Variants in UNC79 observed in about 807,000 individuals in gnomAD.
UNC79 encodes the protein unc-79 subunit of NALCN channel complex.
In UNC79, 37 loss-of-function variants were observed where a neutral mutation model predicts 283.1. The observed-to-expected ratio is 0.13, with a 90% CI of 0.10 to 0.17. The LOEUF (loss-of-function observed/expected upper bound fraction) is 0.17. UNC79 is among the 10% of genes least tolerant of loss of function. The pLI is 1.00. For missense variants in UNC79, 2,272 were observed against 3,211.1 expected (o/e 0.71, Z 7.07); for synonymous variants, 1,107 against 1,200.2 (o/e 0.92, Z 1.61).
intron 1 of UNC79, among the ~76,000 whole-genome samples, chr14:93,418,904 G>A (rs1388481369): frequency 1.3e-5 from 2 of 151,760 alleles, no homozygotes; most frequent in Admixed American, 6.6e-5. Context: ...GGAGTGACCC[G>A]ATTTTCCAGG....
At chr14:93,706,890 T>C in exon 49 of UNC79, 1 of 1,614,146 alleles carries the variant, frequency 6.2e-7, no homozygotes, top group Non-Finnish European at 8.5e-7. Context: ...AGCCTCTCAA[T>C]TTTATCCTCT....
At chr14:93,586,432 G>A (rs778417978) in intron 20 of UNC79, among the ~76,000 whole-genome samples, 164 bp from the exon 21 acceptor site, 2 of 152,208 alleles carry the variant, frequency 1.3e-5, no homozygotes, top group Non-Finnish European at 2.9e-5. Context: ...TTGTATCATA[G>A]CAGGGATATA....
intron 1 of UNC79, among the ~76,000 whole-genome samples, chr14:93,406,029 T>G (rs771403625): frequency 2.6e-5 from 4 of 152,200 alleles, no homozygotes; most frequent in African/African-American, 9.7e-5. Flanking sequence ...CTGATCACCA[T>G]TCACCTAAAC....
chr14:93,689,071 C>T (rs1025161826), intron 44 of UNC79: 1 of 467,486 alleles, frequency 2.1e-6, no homozygotes, highest in Non-Finnish European at 3.7e-6. Context: ...CTCAATTGTC[C>T]TTTCATGAAG....
At chr14:93,439,119 T>G (rs1286004679) in intron 1 of UNC79, among the ~76,000 whole-genome samples, 1 of 152,160 alleles carries the variant, frequency 6.6e-6, no homozygotes, top group East Asian at 1.9e-4. Flanking sequence ...CTTTTGGGTT[T>G]TCAAGATATA....
chr14:93,358,925 TGA>T (rs1460046442), intron 1 of UNC79, among the ~76,000 whole-genome samples: 1 of 152,158 alleles, frequency 6.6e-6, no homozygotes, highest in Non-Finnish European at 1.5e-5. Flanking sequence ...GAGGTGAGGT[TGA>T]GAGTGTTACC....
chr14:93,378,324 AG>A (rs1185753135), intron 1 of UNC79, among the ~76,000 whole-genome samples: 2 of 152,216 alleles, frequency 1.3e-5, no homozygotes, highest in East Asian at 3.8e-4. Context: ...GGTGATTATA[AG>A]AATTTTCAGT....
intron 17 of UNC79, among the ~76,000 whole-genome samples, chr14:93,576,379 C>A (rs983571621): frequency 1.3e-5 from 2 of 151,884 alleles, no homozygotes; most frequent in African/African-American, 4.8e-5. Flanking sequence ...CAGCATCATG[C>A]AATATAACTT....
chr14:93,386,456 T>C (rs1002150112), intron 1 of UNC79, among the ~76,000 whole-genome samples: 5 of 152,202 alleles, frequency 3.3e-5, no homozygotes, highest in Non-Finnish European at 2.9e-5. Context: ...CTTTGTCTGG[T>C]TTTGATGTCA....
intron 4 of UNC79, among the ~76,000 whole-genome samples, chr14:93,484,906 G>T (rs2058334949): frequency 6.6e-6 from 1 of 152,126 alleles, no homozygotes; most frequent in African/African-American, 2.4e-5. Flanking sequence ...CTCCTGGCTG[G>T]TCATTCTTGA....
intron 41 of UNC79, among the ~76,000 whole-genome samples, chr14:93,677,261 T>G (rs1046709281): frequency 2.4e-4 from 36 of 152,114 alleles, no homozygotes; most frequent in African/African-American, 8.2e-4. Flanking sequence ...GGGCCACACA[T>G]GGTATATTAG....
intron 42 of UNC79, among the ~76,000 whole-genome samples, chr14:93,684,743 A>C (rs887641308): frequency 1.3e-5 from 2 of 152,206 alleles, no homozygotes; most frequent in Admixed American, 6.5e-5. Flanking sequence ...GTATTTTCCA[A>C]ATTTCCTATA....
At chr14:93,686,607 C>T (rs1400090148) in exon 43 of UNC79, 1 of 1,614,126 alleles carries the variant, frequency 6.2e-7, no homozygotes, top group South Asian at 1.1e-5. Flanking sequence ...TGAGGCAGTA[C>T]ATCAACGAAG....
At chr14:93,654,222 G>T (rs1239919165) in intron 37 of UNC79, among the ~76,000 whole-genome samples, 197 bp downstream of exon 40, 4 of 152,142 alleles carry the variant, frequency 2.6e-5, no homozygotes, top group Non-Finnish European at 5.9e-5. Flanking sequence ...TGAGTGCAGT[G>T]GCTCATGCCT....
intron 47 of UNC79, 107 bp from the exon 51 acceptor site, chr14:93,704,518 C>T (rs1276050904): frequency 9.3e-6 from 12 of 1,284,782 alleles, no homozygotes; most frequent in African/African-American, 2.9e-5. Context: ...CACATCCGTG[C>T]GCGACGTGAA....
intron 1 of UNC79, among the ~76,000 whole-genome samples, chr14:93,376,645 G>T (rs1434503348): frequency 6.6e-6 from 1 of 152,118 alleles, no homozygotes; most frequent in Non-Finnish European, 1.5e-5. Flanking sequence ...CCAGCAGCAT[G>T]AGCAGTTAGC....
At chr14:93,678,119 C>T (rs1382992074) in intron 41 of UNC79, among the ~76,000 whole-genome samples, 1 of 152,192 alleles carries the variant, frequency 6.6e-6, no homozygotes, top group Non-Finnish European at 1.5e-5. Context: ...TACCTTTGGG[C>T]ATTGTCACCT....
intron 14 of UNC79, among the ~76,000 whole-genome samples, chr14:93,566,216 C>T (rs145105234): frequency 8.5e-5 from 13 of 152,200 alleles, no homozygotes; most frequent in African/African-American, 9.6e-5. Flanking sequence ...CATTGGTTGC[C>T]GGAGAATCTC....
chr14:93,495,095 G>A (rs1450214850), intron 5 of UNC79, among the ~76,000 whole-genome samples: 1 of 152,268 alleles, frequency 6.6e-6, no homozygotes. Context: ...ACTGAGTCAC[G>A]TGGCCATCTC....
Sources: gnomAD v4.1 joint callset for allele counts (sites outside exome capture counted in the v4.1 genomes callset) on GRCh38, gnomAD v4.1.1 for gene constraint, MANE v1.5 for transcripts, NCBI Gene and HGNC (gene_info 2026-07-23, HGNC 2026-07-21) for gene names.